The following DPP6 variants were observed in gnomAD, a reference collection of about 807,000 sequenced individuals.
DPP6 encodes the protein A-type potassium channel modulatory protein DPP6.
A neutral mutation model predicts 122.6 loss-of-function variants in DPP6; 69 were observed. The observed-to-expected ratio is 0.56, with a 90% CI of 0.46 to 0.69. DPP6 has a LOEUF of 0.69. Among genes scored for constraint, DPP6 ranks in the 30% least tolerant of loss-of-function variants. DPP6 has a pLI of 0.00. For missense variants in DPP6, 928 were observed against 1,116.9 expected, an observed-to-expected ratio of 0.83 and a Z score of 2.41; for synonymous variants, 418 against 433.1, an observed-to-expected ratio of 0.97 and a Z score of 0.43.
the DPP6 span, among the ~76,000 whole-genome samples, chr7:153,827,024 G>T: frequency 0.41 from 62,189 of 151,636 alleles, 12,856 homozygotes; most frequent in Middle Eastern, 0.45. Flanking sequence ...GACATTTTCT[G>T]GGAAATTTAT....
At chr7:154,377,920 C>T (rs549153237) in intron 1 of DPP6, among the ~76,000 whole-genome samples, 20 of 152,262 alleles carry the variant, frequency 1.3e-4, no homozygotes, top group Middle Eastern at 3.4e-3. Context: ...TTGGGTGAGC[C>T]GGGGAAGATG....
chr7:154,805,044 A>G (rs1044516305), intron 15 of DPP6, 80 bp downstream of exon 15: 28 of 1,519,288 alleles, frequency 1.8e-5, no homozygotes, highest in Middle Eastern at 1.7e-4. Context: ...CCTTTTCAGC[A>G]GTTCGGAAAG....
intron 1 of DPP6, among the ~76,000 whole-genome samples, chr7:154,090,308 A>G (rs1804711719): frequency 6.6e-6 from 1 of 152,200 alleles, no homozygotes; most frequent in Admixed American, 6.5e-5. Context: ...CAATGAGCCA[A>G]CTGGCCACAT....
At chr7:154,769,872 C>T (rs1489716554) in intron 9 of DPP6, among the ~76,000 whole-genome samples, 3 of 152,254 alleles carry the variant, frequency 2.0e-5, no homozygotes, top group Non-Finnish European at 2.9e-5. Flanking sequence ...TGCACCTGCC[C>T]TCTCTCACGC....
At chr7:154,740,258 T>G (rs969043438) in intron 8 of DPP6, among the ~76,000 whole-genome samples, 1 of 152,166 alleles carries the variant, frequency 6.6e-6, no homozygotes, top group Non-Finnish European at 1.5e-5. Flanking sequence ...ACTTATGTAT[T>G]TGAGGTTGAG....
intron 6 of DPP6, among the ~76,000 whole-genome samples, chr7:154,640,711 T>G (rs1836027776): frequency 6.6e-6 from 1 of 152,176 alleles, no homozygotes; most frequent in African/African-American, 2.4e-5. Flanking sequence ...GCTCTAAGTC[T>G]GAGGATCTAG....
intron 1 of DPP6, among the ~76,000 whole-genome samples, chr7:153,891,726 G>A (rs927948893): frequency 7.9e-5 from 12 of 152,170 alleles, no homozygotes; most frequent in African/African-American, 2.7e-4. Context: ...TAATGAAGTT[G>A]GAGTAAAGAT....
intron 6 of DPP6, among the ~76,000 whole-genome samples, chr7:154,663,430 T>G (rs1837904474): frequency 2.2e-5 from 1 of 45,326 alleles, no homozygotes; most frequent in African/African-American, 4.2e-5. Flanking sequence ...CACCATAGCG[T>G]ATTGGCCATA....
At chr7:154,314,772 G>A (rs1807284254) in intron 1 of DPP6, among the ~76,000 whole-genome samples, 1 of 151,906 alleles carries the variant, frequency 6.6e-6, no homozygotes, top group Admixed American at 6.6e-5. Context: ...TCCAAATCAA[G>A]CAATCCTGAG....
chr7:153,833,612 A>G, the DPP6 span, among the ~76,000 whole-genome samples: 1 of 151,902 alleles, frequency 6.6e-6, no homozygotes, highest in Non-Finnish European at 1.5e-5. Context: ...TGGAGGTTGC[A>G]GTGAGCTGAA....
chr7:154,361,618 A>G lies in DPP6; in HGVS notation c.244-84596A>G, dbSNP rs1811730982. ...AATTGCTAGCCAAAAAAAAAAAAAA[A>G]AAAAAAGAATTGGGGTCATAGGGAC... On this transcript the variant is annotated intron_variant, in intron 1 of 25. Transcript: ENST00000377770. Among the ~76,000 whole-genome samples the G allele has an allele frequency of 2.0e-5, 3 of 152,130 alleles. No homozygotes were observed. The South Asian group carries it at 6.2e-4, about 31-fold the overall frequency.
At chr7:153,853,847 T>C in the DPP6 span, among the ~76,000 whole-genome samples, 1 of 151,780 alleles carries the variant, frequency 6.6e-6, no homozygotes, top group Non-Finnish European at 1.5e-5. Context: ...CTCTTTAGTT[T>C]AATTAGATCC....
the DPP6 span, among the ~76,000 whole-genome samples, chr7:153,871,891 T>C: frequency 6.6e-6 from 1 of 152,250 alleles, no homozygotes; most frequent in Non-Finnish European, 1.5e-5. Flanking sequence ...TTTTCGTCAC[T>C]GTGACTTCAT....
the DPP6 span, among the ~76,000 whole-genome samples, chr7:153,781,625 C>T: frequency 6.6e-6 from 1 of 152,072 alleles, no homozygotes; most frequent in Non-Finnish European, 1.5e-5. Flanking sequence ...TAGATTGGCT[C>T]CCCCTTATTC....
chr7:154,256,532 A>G lies in DPP6; in HGVS notation c.244-189682A>G, dbSNP rs182916732. ...AAGATTTCTGAACCAGAGCTCACCC[A>G]CCTATCTGTAGCCTCCAAATTATGA... On this transcript the variant is annotated intron_variant, in intron 1 of 25. Transcript: ENST00000377770. 2.4e-3 allele frequency among the ~76,000 whole-genome samples: 361 copies of G among 152,312 alleles called. 3 individuals carry two copies. The highest frequency in any genetic ancestry group is 3.7e-3 in the South Asian group (18 of 4,828).
intron 1 of DPP6, among the ~76,000 whole-genome samples, chr7:153,971,884 G>C (rs1271686657): frequency 1.4e-5 from 2 of 145,556 alleles, no homozygotes; most frequent in African/African-American, 5.1e-5. Flanking sequence ...TAGGCCACCA[G>C]GTCTTATCTC....
chr7:154,810,902 A>G (rs1161162244), intron 16 of DPP6, among the ~76,000 whole-genome samples: 1 of 152,214 alleles, frequency 6.6e-6, no homozygotes, highest in Non-Finnish European at 1.5e-5. Flanking sequence ...GATTCCTAGA[A>G]TTTGAAGATA....
At chr7:154,314,903 A>G (rs547941094) in intron 1 of DPP6, among the ~76,000 whole-genome samples, 1 of 152,368 alleles carries the variant, frequency 6.6e-6, no homozygotes, top group Admixed American at 6.5e-5. Context: ...CCTGGAGGTC[A>G]GTTAAGAAAA....
intron 1 of DPP6, among the ~76,000 whole-genome samples, chr7:154,132,971 G>A (rs1221985368): frequency 7.9e-5 from 12 of 151,690 alleles, no homozygotes; most frequent in Non-Finnish European, 1.8e-4. Context: ...ATCCTACTTT[G>A]CCTTAAATGA....
Sources: gnomAD v4.1 joint callset for allele counts (sites outside exome capture counted in the v4.1 genomes callset) on GRCh38, gnomAD v4.1.1 for gene constraint, MANE v1.5 for transcripts, NCBI Gene and HGNC (gene_info 2026-07-23, HGNC 2026-07-21) for gene names.